The following C8orf34 variants were observed in gnomAD, a reference collection of about 807,000 sequenced individuals.
C8orf34 encodes uncharacterized protein C8orf34.
In C8orf34, 65 loss-of-function variants were observed where a neutral mutation model predicts 68.3. The ratio of observed to expected loss-of-function variants is 0.95; its 90% CI spans 0.78 to 1.17. C8orf34 has a LOEUF of 1.17. Among genes scored for constraint, C8orf34 ranks in the 50% most tolerant of loss-of-function variants. The pLI is 0.00. For synonymous variants in C8orf34, 244 were observed against 241.2 expected, an observed-to-expected ratio of 1.01 and a Z score of -0.11; for missense variants, 664 against 655.4, an observed-to-expected ratio of 1.01 and a Z score of -0.14.
chr8:68,475,470 C>T (rs962699397), intron 4 of C8orf34, among the ~76,000 whole-genome samples: 4 of 152,180 alleles, frequency 2.6e-5, no homozygotes, highest in African/African-American at 9.6e-5. Context: ...GGTTCCATTT[C>T]ATCCTGATCC....
intron 4 of C8orf34, among the ~76,000 whole-genome samples, chr8:68,481,364 C>T (rs1812852236): frequency 6.6e-6 from 1 of 151,910 alleles, no homozygotes; most frequent in Admixed American, 6.6e-5. Flanking sequence ...TCTACTAGGG[C>T]AGTGTGGAAG....
At position 68,707,425 on chromosome 8, in the gene C8orf34, C is replaced by T. The variant is rs148358786; in HGVS notation, c.1242-1569C>T. 4.4e-3 allele frequency among the ~76,000 whole-genome samples: 676 copies of T among 152,260 alleles called. 11 individuals carry two copies. The highest frequency in any genetic ancestry group is 0.015 in the African/African-American group (638 of 41,534). ...TTATAATTTCTTTGCATCTCTATGA[C>T]ATTTGGTTTATGCTTGAGCATATTA... On this transcript the variant is annotated intron_variant, in intron 8 of 13. Coordinates refer to ENST00000518698, the MANE Select transcript of C8orf34 (RefSeq NM_052958.4).
intron 8 of C8orf34, among the ~76,000 whole-genome samples, chr8:68,670,176 G>C (rs1411569418): frequency 1.3e-5 from 2 of 152,018 alleles, no homozygotes; most frequent in Admixed American, 1.3e-4. Context: ...CCCAAATTTT[G>C]GCATTTTGGT....
At chr8:68,698,307 A>T (rs1016604010) in intron 8 of C8orf34, among the ~76,000 whole-genome samples, 1 of 152,090 alleles carries the variant, frequency 6.6e-6, no homozygotes, top group African/African-American at 2.4e-5. Context: ...TAGTTATCAC[A>T]ATTTATTTTT....
At chr8:68,370,759 A>G (rs1041001582) in intron 1 of C8orf34, among the ~76,000 whole-genome samples, 2 of 152,214 alleles carry the variant, frequency 1.3e-5, no homozygotes, top group Non-Finnish European at 2.9e-5. Context: ...AACACTTTAC[A>G]TGAAGAATCT....
chr8:68,562,757 A>G (rs1222665168), intron 7 of C8orf34, among the ~76,000 whole-genome samples: 1 of 152,246 alleles, frequency 6.6e-6, no homozygotes, highest in Non-Finnish European at 1.5e-5. Flanking sequence ...TCACATGTAC[A>G]GGCACCTGTC....
At chr8:68,589,506 C>T (rs898011665) in intron 7 of C8orf34, among the ~76,000 whole-genome samples, 3 of 137,936 alleles carry the variant, frequency 2.2e-5, no homozygotes, top group African/African-American at 5.4e-5. Flanking sequence ...AGAGAGAGAA[C>T]GAGAGAGAGA....
chr8:68,331,780 CTTCTT>C (rs1805610724), intron 1 of C8orf34, among the ~76,000 whole-genome samples: 2 of 33,560 alleles, frequency 6.0e-5, no homozygotes, highest in Non-Finnish European at 1.1e-4. Flanking sequence ...CTTTTCTTTC[CTTCTT>C]TTTTTTTTTT....
intron 1 of C8orf34, among the ~76,000 whole-genome samples, chr8:68,349,244 TG>T (rs1375073819): frequency 1.3e-5 from 2 of 152,154 alleles, no homozygotes; most frequent in African/African-American, 4.8e-5. Flanking sequence ...ATGTGGTTTT[TG>T]TCTTTAGTTC....
intron 1 of C8orf34, among the ~76,000 whole-genome samples, chr8:68,341,326 C>T (rs1806060849): frequency 6.6e-6 from 1 of 152,184 alleles, no homozygotes; most frequent in Non-Finnish European, 1.5e-5. Context: ...ATTATCAGTG[C>T]TCCTGGAGCA....
At chr8:68,436,196 A>T (rs1164364253) in intron 1 of C8orf34, among the ~76,000 whole-genome samples, 2 of 152,214 alleles carry the variant, frequency 1.3e-5, no homozygotes, top group Non-Finnish European at 2.9e-5. Context: ...CCTGGGTGAC[A>T]GAGTGAGACT....
At position 68,482,783 on chromosome 8, in the gene C8orf34, ATGTG is replaced by A. The variant is rs1812915913; in HGVS notation, c.737-5239_737-5236del. Among the ~76,000 whole-genome samples, 3 of 152,308 alleles carry A rather than the reference ATGTG, an allele frequency of 2.0e-5. No homozygotes were observed. The East Asian group carries it at 5.8e-4, about 29-fold the overall frequency. On this transcript the variant is annotated intron_variant, in intron 4 of 13. Coordinates refer to ENST00000518698, the MANE Select transcript of C8orf34 (RefSeq NM_052958.4). The stretch of plus-strand genomic sequence containing the variant: ...CACTATGGCTAATTTCAAGCTACCT[ATGTG>A]ACATCACTGAATGAGGTGTTGGGAA...
At chr8:68,791,057 A>T in intron 12 of C8orf34, 2 of 589,888 alleles carry the variant, frequency 3.4e-6, no homozygotes, top group Admixed American at 3.1e-5. Flanking sequence ...GGAAGGCTAA[A>T]ATTTGAAGAA....
At chr8:68,533,400 G>A (rs538501576) in intron 7 of C8orf34, 7 of 1,170,560 alleles carry the variant, frequency 6.0e-6, no homozygotes, top group East Asian at 8.9e-5. Flanking sequence ...TTCTGACTAC[G>A]TAATGAAGCG....
intron 1 of C8orf34, among the ~76,000 whole-genome samples, chr8:68,331,740 G>A (rs1052654154): frequency 7.0e-5 from 9 of 128,810 alleles, no homozygotes; most frequent in Non-Finnish European, 1.3e-4. Flanking sequence ...GCTATCTTGA[G>A]TGTTCGTGTT....
At chr8:68,630,984 G>A (rs1049671654) in intron 7 of C8orf34, among the ~76,000 whole-genome samples, 9 of 137,770 alleles carry the variant, frequency 6.5e-5, no homozygotes, top group African/African-American at 1.4e-4. Flanking sequence ...CAGGGCCCCA[G>A]CCAAGGTTCA....
rs995168522 is a variant in C8orf34, at chr8:68,805,384, G to A, written c.1550-10502G>A. Among the ~76,000 whole-genome samples, 15 of 152,248 alleles carry A rather than the reference G, an allele frequency of 9.9e-5. No individual in the cohort carries two copies. The East Asian group carries it at 1.5e-3, about 16-fold the overall frequency. On this transcript the variant is annotated intron_variant, in intron 12 of 13. Coordinates refer to ENST00000518698, the MANE Select transcript of C8orf34 (RefSeq NM_052958.4). ...GCTGATTGTGTTGTTCAAATATTCCGTCTTCTTACTGTATGTTTTGGGGGG... is the reference window on the plus strand; with the variant it reads ...GCTGATTGTGTTGTTCAAATATTCCATCTTCTTACTGTATGTTTTGGGGGG...
chr8:68,617,176 G>A (rs1442191990), intron 7 of C8orf34, among the ~76,000 whole-genome samples: 1 of 152,076 alleles, frequency 6.6e-6, no homozygotes, highest in Non-Finnish European at 1.5e-5. Context: ...TTGAGCCTAT[G>A]TGTGTCTCTG....
intron 5 of C8orf34, among the ~76,000 whole-genome samples, chr8:68,505,636 C>A (rs1218094130): frequency 7.6e-6 from 1 of 131,020 alleles, no homozygotes; most frequent in Non-Finnish European, 1.5e-5. Context: ...GAGGCTGAGG[C>A]AGGAGAATGG....
Sources: gnomAD v4.1 joint callset for allele counts (sites outside exome capture counted in the v4.1 genomes callset) on GRCh38, gnomAD v4.1.1 for gene constraint, MANE v1.5 for transcripts, NCBI Gene and HGNC (gene_info 2026-07-23, HGNC 2026-07-21) for gene names.